Variants in CFH observed in about 807,000 individuals in gnomAD.
The protein encoded by CFH is complement factor H, also known as H factor 1 (complement).
CFH carries 53 observed loss-of-function variants against 147.3 expected under a neutral mutation model. That is an observed-to-expected ratio of 0.36 (90% CI 0.29 to 0.45). The LOEUF is 0.45. Ranked by LOEUF, CFH falls within the 20% of genes least tolerant of loss-of-function variation. The pLI is 1.00. For missense variants in CFH, 1,380 were observed against 1,498.0 expected (o/e 0.92, Z 1.30); for synonymous variants, 536 against 489.4 (o/e 1.10, Z -1.26).
At chr1:196,665,250 C>G (rs1667041056) in intron 1 of CFH, among the ~76,000 whole-genome samples, 1 of 151,296 alleles carries the variant, frequency 6.6e-6, no homozygotes, top group Non-Finnish European at 1.5e-5. Context: ...GATTTTTTCA[C>G]AAATATAATT....
chr1:196,730,386 T>C, intron 15 of CFH, among the ~76,000 whole-genome samples: 1 of 152,028 alleles, frequency 6.6e-6, no homozygotes, highest in South Asian at 2.1e-4. Flanking sequence ...TTTAAAATTT[T>C]CCATAGTTCC....
chr1:196,693,547 A>G (rs553024957), intron 9 of CFH, among the ~76,000 whole-genome samples: 1 of 152,260 alleles, frequency 6.6e-6, no homozygotes, highest in Non-Finnish European at 1.5e-5. Flanking sequence ...GAATACTACT[A>G]AGTGACTAAC....
chr1:196,673,757 G>C (rs903448812), intron 2 of CFH, 100 bp from the exon 3 acceptor site: 1 of 802,034 alleles, frequency 1.2e-6, no homozygotes, highest in Non-Finnish European at 2.2e-6. Flanking sequence ...CATTCAATCT[G>C]TCTTCTTATA....
intron 9 of CFH, among the ~76,000 whole-genome samples, chr1:196,697,868 G>A (rs1437081786): frequency 3.3e-5 from 5 of 151,948 alleles, no homozygotes; most frequent in Admixed American, 3.3e-4. Context: ...CATGGATGAA[G>A]CTGGAAACCA....
At chr1:196,688,208 T>C (rs1482892395) in intron 7 of CFH, among the ~76,000 whole-genome samples, 1 of 151,910 alleles carries the variant, frequency 6.6e-6, no homozygotes, top group Non-Finnish European at 1.5e-5. Flanking sequence ...AATAATCCCA[T>C]GAAAAGAGCA....
At chr1:196,689,275 A>G in intron 7 of CFH, 145 bp from the exon 8 acceptor site, 2 of 709,570 alleles carry the variant, frequency 2.8e-6, no homozygotes, top group East Asian at 5.5e-5. Flanking sequence ...TCTGAGTTCT[A>G]TCATTTGTTT....
chr1:196,725,371 T>C, intron 12 of CFH, 74 bp downstream of exon 12: 2 of 1,461,750 alleles, frequency 1.4e-6, no homozygotes, highest in Non-Finnish European at 1.9e-6. Flanking sequence ...ATTAATTTTG[T>C]TTGGGCTCCC....
intron 2 of CFH, 85 bp from the exon 3 acceptor site, chr1:196,673,772 A>T (rs1667363792): frequency 3.5e-6 from 3 of 849,250 alleles, no homozygotes; most frequent in Admixed American, 3.5e-5. Context: ...CTTATATAAT[A>T]TCAAATATAC....
intron 5 of CFH, chr1:196,679,399 G>C (rs1667574656): frequency 7.7e-6 from 3 of 390,802 alleles, no homozygotes; most frequent in Non-Finnish European, 1.4e-5. Context: ...TTTCAAGAAG[G>C]CTAATTTATC....
chr1:196,668,727 T>C (rs1486489590), intron 1 of CFH, among the ~76,000 whole-genome samples: 1 of 152,242 alleles, frequency 6.6e-6, no homozygotes, highest in Non-Finnish European at 1.5e-5. Flanking sequence ...CCACTATGAT[T>C]GTAAGTTTCC....
chr1:196,654,759 T>C (rs1487914530), intron 1 of CFH, among the ~76,000 whole-genome samples: 3 of 152,088 alleles, frequency 2.0e-5, no homozygotes, highest in Non-Finnish European at 4.4e-5. Flanking sequence ...ATCCTGGAGA[T>C]TTAGAGTGCA....
intron 19 of CFH, among the ~76,000 whole-genome samples, chr1:196,743,034 AAGC>A (rs1652865975): frequency 6.6e-6 from 1 of 152,194 alleles, no homozygotes; most frequent in Admixed American, 6.5e-5. Flanking sequence ...TAAAATGTAT[AAGC>A]AGGATGATTG....
chr1:196,679,976 A>G lies in CFH; in HGVS notation c.790+183A>G, dbSNP rs565401486. 4.6e-5 allele frequency among the ~76,000 whole-genome samples: 7 copies of G among 152,006 alleles called. No homozygotes were observed. The East Asian group carries it at 1.4e-3, about 29-fold the overall frequency. ...TTTGAGTACACTTCGTACGATACACACACTCTGAAAACAGACATAAACAGG... is the reference window on the plus strand; with the variant it reads ...TTTGAGTACACTTCGTACGATACACGCACTCTGAAAACAGACATAAACAGG... On this transcript the variant is annotated intron_variant, in intron 6 of 21. Coordinates refer to ENST00000367429, the MANE Select transcript of CFH (RefSeq NM_000186.4).
chr1:196,692,602 CTT>C (rs57498815), intron 9 of CFH, among the ~76,000 whole-genome samples: 3 of 120,894 alleles, frequency 2.5e-5, no homozygotes, highest in East Asian at 2.6e-4. Flanking sequence ...TCTCTTCCTT[CTT>C]TCTTTTTCTT....
intron 1 of CFH, among the ~76,000 whole-genome samples, chr1:196,666,781 G>C (rs1035357077): frequency 3.4e-5 from 5 of 146,824 alleles, no homozygotes; most frequent in Non-Finnish European, 7.4e-5. Flanking sequence ...CTCCAGCATG[G>C]GGGACAGAGC....
intron 21 of CFH, 32 bp from the exon 22 acceptor site, chr1:196,747,079 A>C: frequency 6.2e-7 from 1 of 1,612,594 alleles, no homozygotes; most frequent in South Asian, 1.1e-5. Flanking sequence ...CATACTACTT[A>C]ATGTTTTATG....
At chr1:196,698,609 G>A (rs1311481053) in intron 9 of CFH, among the ~76,000 whole-genome samples, 2 of 152,112 alleles carry the variant, frequency 1.3e-5, no homozygotes, top group Non-Finnish European at 2.9e-5. Flanking sequence ...AAATAGCCCA[G>A]GACCAGATGG....
At chr1:196,710,727 C>A (rs1668706207) in intron 9 of CFH, among the ~76,000 whole-genome samples, 2 of 152,094 alleles carry the variant, frequency 1.3e-5, no homozygotes. Flanking sequence ...ATTTTTCAAT[C>A]CATGAATATT....
intron 6 of CFH, among the ~76,000 whole-genome samples, chr1:196,683,021 G>A (rs1396224914): frequency 6.6e-6 from 1 of 151,368 alleles, no homozygotes; most frequent in Non-Finnish European, 1.5e-5. Context: ...GAAAGGAATG[G>A]TGGTAGTATA....
Sources: gnomAD v4.1 joint callset for allele counts (sites outside exome capture counted in the v4.1 genomes callset) on GRCh38, gnomAD v4.1.1 for gene constraint, MANE v1.5 for transcripts, NCBI Gene and HGNC (gene_info 2026-07-23, HGNC 2026-07-21) for gene names.